COL11A1: variants seen among roughly 807,000 people sequenced by gnomAD.
COL11A1 encodes collagen type XI alpha 1 chain.
A neutral mutation model predicts 265.2 loss-of-function variants in COL11A1; 74 were observed. The ratio of observed to expected loss-of-function variants is 0.28; its 90% confidence interval spans 0.23 to 0.34. COL11A1 has a LOEUF of 0.34. COL11A1 is among the 10% of genes least tolerant of loss of function. The probability of loss-of-function intolerance (pLI) is 1.00; values close to 1 mark genes in which losing one functional copy is unlikely to be tolerated. For missense variants in COL11A1, 2,165 were observed against 2,263.6 expected (o/e 0.96, Z 0.88); for synonymous variants, 816 against 727.6 (o/e 1.12, Z -1.96).
chr1:103,021,754 C>G lies in COL11A1; in HGVS notation c.1261G>C (p.Ala421Pro). Reference sequence around the variant, plus strand: ...CCTTTCTGTCCTTTCTCTCCATATGCACCATGGCCATTTATCTGTTGAATG... The same window carrying G: ...CCTTTCTGTCCTTTCTCTCCATATGGACCATGGCCATTTATCTGTTGAATG... ...ITETSINGHG[A>P]YGEKGQKGEP... Residue 421 changes from alanine (A) to proline (P), a missense_variant, in exon 9 of 67, where the codon GCA (alanine) becomes CCA (proline). Ala to Pro is a conservative substitution (Grantham distance 27). Coordinates refer to ENST00000370096, the MANE Select transcript of COL11A1 (RefSeq NM_001854.4). 6.2e-7 allele frequency: 1 copy of G among 1,610,970 alleles called. No homozygotes were observed. Among genetic ancestry groups the G allele is most frequent in the Non-Finnish European group, 8.5e-7 (1 of 1,177,154 alleles).
At chr1:103,075,582 C>T (rs1270653268) in intron 3 of COL11A1, among the ~76,000 whole-genome samples, 1 of 152,134 alleles carries the variant, frequency 6.6e-6, no homozygotes, top group Non-Finnish European at 1.5e-5. Context: ...TGCACATTCC[C>T]TAACCATACT....
At chr1:103,023,067 A>C in intron 7 of COL11A1, 71 bp from the exon 8 acceptor site, 1 of 1,535,180 alleles carries the variant, frequency 6.5e-7, no homozygotes, top group Non-Finnish European at 8.9e-7. Context: ...AAGCATTTAA[A>C]TTACAATTTG....
At chr1:103,074,449 T>C (rs185079555) in intron 4 of COL11A1, among the ~76,000 whole-genome samples, 169 bp downstream of exon 4, 29 of 152,266 alleles carry the variant, frequency 1.9e-4, no homozygotes, top group Admixed American at 1.1e-3. Flanking sequence ...ATTCTCTTAC[T>C]GAACAATAGA....
intron 2 of COL11A1, among the ~76,000 whole-genome samples, chr1:103,079,588 C>G (rs1281238322): frequency 6.6e-6 from 1 of 151,898 alleles, no homozygotes; most frequent in African/African-American, 2.4e-5. Flanking sequence ...AAGTATATCT[C>G]AAATAATTAA....
In COL11A1 at chr1:103,053,853, T is replaced by C. The variant is rs192040328; in HGVS notation, c.651+20765A>G. Among the ~76,000 whole-genome samples, 563 of 152,368 alleles carry C rather than the reference T, an allele frequency of 3.7e-3. 4 individuals are homozygous for C. Among genetic ancestry groups the C allele is most frequent in the African/African-American group, 0.013 (529 of 41,586 alleles). ...TTACATTTTAAATACTGCTAAAAGA[T>C]ACTATCATGTAAATACATTTGACTA... is the stretch of plus-strand genomic sequence containing the variant. On this transcript the variant is annotated intron_variant, in intron 4 of 66. Transcript: ENST00000370096.
chr1:103,091,666 T>C (rs368608602), intron 1 of COL11A1, among the ~76,000 whole-genome samples: 31 of 152,198 alleles, frequency 2.0e-4, no homozygotes, highest in African/African-American at 7.5e-4. Flanking sequence ...TCAACTAAGA[T>C]GTGTTGTCAT....
chr1:102,878,176 A>C lies in COL11A1; in HGVS notation c.5275-11T>G. 1.2e-6 allele frequency: 2 copies of C among 1,604,030 alleles called. No homozygotes were observed. Among genetic ancestry groups the C allele is most frequent in the Non-Finnish European group, 1.7e-6 (2 of 1,173,898 alleles). ...ATAGCCTTTTCTGGACTGTAAAATA[A>C]AGCAGAAATAAAAAGTTATACAATC... On this transcript the variant is annotated splice_polypyrimidine_tract_variant and intron_variant, in intron 66 of 66. Transcript: ENST00000370096.
At chr1:103,023,791 TC>T (rs1370120345) in intron 7 of COL11A1, among the ~76,000 whole-genome samples, 5 of 152,152 alleles carry the variant, frequency 3.3e-5, no homozygotes, top group Non-Finnish European at 7.3e-5. Flanking sequence ...TAGAGATGTA[TC>T]ATTACAATGA....
chr1:102,971,165 T>C (rs1363164432), intron 36 of COL11A1, among the ~76,000 whole-genome samples: 2 of 152,216 alleles, frequency 1.3e-5, no homozygotes, highest in African/African-American at 4.8e-5. Flanking sequence ...CAGTAGATTT[T>C]CTTAAATGTC....
intron 37 of COL11A1, 34 bp from the exon 38 acceptor site, chr1:102,965,574 A>G (rs760887331): frequency 3.8e-6 from 6 of 1,578,304 alleles, no homozygotes; most frequent in Non-Finnish European, 5.2e-6. Context: ...TAAAAGCTAC[A>G]TACAACACAA....
intron 5 of COL11A1, among the ~76,000 whole-genome samples, chr1:103,028,935 A>C (rs939786442): frequency 1.3e-5 from 2 of 152,082 alleles, no homozygotes; most frequent in African/African-American, 4.8e-5. Context: ...AGAAAATCCC[A>C]ACTCCATCAT....
At chr1:103,012,589 C>T (rs1666221183) in intron 13 of COL11A1, 120 bp from the exon 14 acceptor site, 2 of 762,242 alleles carry the variant, frequency 2.6e-6, no homozygotes, top group Admixed American at 4.1e-5. Context: ...TTAATAACTA[C>T]ATGCTAGAAA....
chr1:102,975,375 G>A (rs1223834161), intron 35 of COL11A1, among the ~76,000 whole-genome samples: 1 of 151,126 alleles, frequency 6.6e-6, no homozygotes, highest in African/African-American at 2.4e-5. Flanking sequence ...ATCTCAAAAA[G>A]ACCACAGAAG....
chr1:102,921,494 T>G (rs777024892), intron 48 of COL11A1, 24 bp downstream of exon 48: 16 of 1,587,376 alleles, frequency 1.0e-5, no homozygotes, highest in Middle Eastern at 1.7e-4. Context: ...TCAAAATAAT[T>G]AACATATATT....
intron 4 of COL11A1, among the ~76,000 whole-genome samples, chr1:103,051,137 G>A (rs1301096241): frequency 1.3e-5 from 2 of 152,218 alleles, no homozygotes; most frequent in African/African-American, 2.4e-5. Flanking sequence ...CTGTCAGACA[G>A]GGACATTTAA....
At chr1:102,972,349 C>T (rs948812047) in intron 36 of COL11A1, among the ~76,000 whole-genome samples, 5 of 152,034 alleles carry the variant, frequency 3.3e-5, no homozygotes, top group Non-Finnish European at 5.9e-5. Flanking sequence ...ATAACACATT[C>T]ATTGCAAAAT....
At chr1:103,082,193 G>C (rs1487702545) in intron 2 of COL11A1, among the ~76,000 whole-genome samples, 1 of 151,878 alleles carries the variant, frequency 6.6e-6, no homozygotes, top group African/African-American at 2.4e-5. Context: ...ACTGCCAGCT[G>C]ATATTTTAAA....
Position 102,898,149 on chromosome 1 carries a change from G to T in COL11A1, c.4278C>A (p.Gly1426=). 1 of 1,531,890 alleles carries T rather than the reference G, an allele frequency of 6.5e-7. No individual in the cohort carries two copies. The highest frequency in any genetic ancestry group is 8.8e-7 in the Non-Finnish European group (1 of 1,133,652). The allele number at this position is 1,531,890 out of a possible 1,614,324, so 94.9% of individuals were successfully genotyped here. Residue 1426 remains glycine, a synonymous_variant, in exon 57 of 67, where the codon GGC becomes GGA. Coordinates refer to ENST00000370096, the MANE Select transcript of COL11A1 (RefSeq NM_001854.4). ...VGEQGLPGAA[G]QDGPPGPMGP... Reference sequence around the variant, plus strand: ...CCATAGGACCAGGTGGTCCATCTTGGCCTGCAGCTCCAGGGAGACCTTGTT... The same window carrying T: ...CCATAGGACCAGGTGGTCCATCTTGTCCTGCAGCTCCAGGGAGACCTTGTT...
intron 28 of COL11A1, among the ~76,000 whole-genome samples, chr1:102,994,972 G>C (rs1664483974): frequency 6.6e-6 from 1 of 151,976 alleles, no homozygotes; most frequent in Non-Finnish European, 1.5e-5. Context: ...GAAGTACCAG[G>C]CACTTATCAA....
Sources: gnomAD v4.1 joint callset for allele counts (sites outside exome capture counted in the v4.1 genomes callset) on GRCh38, gnomAD v4.1.1 for gene constraint, MANE v1.5 for transcripts, NCBI Gene and HGNC (gene_info 2026-07-23, HGNC 2026-07-21) for gene names.